MRTFB: variants seen among roughly 807,000 people sequenced by gnomAD.
MRTFB encodes the protein myocardin-related transcription factor B.
Under a neutral mutation model 104.2 loss-of-function variants are expected in MRTFB, and 29 were observed. The ratio of observed to expected loss-of-function variants is 0.28; its 90% CI spans 0.21 to 0.38. The LOEUF (loss-of-function observed/expected upper bound fraction) is 0.38. Among genes scored for constraint, MRTFB ranks in the 10% least tolerant of loss-of-function variants. The pLI is 1.00. For missense variants in MRTFB, 1,270 were observed against 1,341.6 expected, an observed-to-expected ratio of 0.95 and a Z score of 0.83; for synonymous variants, 535 against 519.5, an observed-to-expected ratio of 1.03 and a Z score of -0.41.
Position 14,206,722 on chromosome 16 carries a change from A to G in MRTFB, c.155-3521A>G, listed in dbSNP as rs145712762. On this transcript the variant is annotated intron_variant, in intron 3 of 16. Coordinates refer to ENST00000571589, the MANE Select transcript of MRTFB (RefSeq NM_001308142.2). The stretch of plus-strand genomic sequence containing the variant: ...TCGCCTGGCTAGTTTTTATATTTTC[A>G]GTGGAGACGGGTTTCACCATGTTGG... Among the ~76,000 whole-genome samples the G allele has an allele frequency of 1.1e-4, 16 of 152,132 alleles. No homozygotes were observed. The East Asian group carries it at 3.1e-3, about 29-fold the overall frequency.
At chr16:14,159,929 C>CAAA (rs552159164) in intron 3 of MRTFB, among the ~76,000 whole-genome samples, 1,551 of 55,284 alleles carry the variant, frequency 0.028, 157 homozygotes, top group African/African-American at 0.075. Flanking sequence ...GACTCCGTCT[C>CAAA]AAAAAAAAAA....
intron 2 of MRTFB, among the ~76,000 whole-genome samples, chr16:14,091,885 C>T (rs1371719671): frequency 6.6e-6 from 1 of 150,610 alleles, no homozygotes; most frequent in African/African-American, 2.4e-5. Context: ...ATCCCAGCTA[C>T]TCAGGGGGCT....
rs1487184689 is a variant in MRTFB, at chr16:14,177,490, TCTTAAA to T, written c.155-32748_155-32743del. Among the ~76,000 whole-genome samples, 9 of 152,164 alleles carry T rather than the reference TCTTAAA, an allele frequency of 5.9e-5. No homozygotes were observed. The highest frequency in any genetic ancestry group is 2.2e-4 in the African/African-American group (9 of 41,432). On this transcript the variant is annotated intron_variant, in intron 3 of 16. Transcript: ENST00000571589. The surrounding 1 kb of genome is among the most constrained non-coding windows in gnomAD (Gnocchi z 4.7). ...TGTTTTTTCACCTAGCAAAAGTGTG[TCTTAAA>T]CTTAGATGATTTAGTCTTAAGTATA...
rs73518924 is a variant in MRTFB, at chr16:14,236,392, G to A, written c.831+2109G>A. Among the ~76,000 whole-genome samples, 296 of 152,276 alleles carry A rather than the reference G, an allele frequency of 1.9e-3. 1 individual carries two copies. The highest frequency in any genetic ancestry group is 6.7e-3 in the African/African-American group (279 of 41,546). On this transcript the variant is annotated intron_variant, in intron 9 of 16. Coordinates refer to ENST00000571589, the MANE Select transcript of MRTFB (RefSeq NM_001308142.2). ...ATTTGTTGAACGGATACTTATTCAA[G>A]CACCTTCTATGTGCCAGGCACTGTT...
At chr16:14,216,463 A>G (rs1175882032) in intron 6 of MRTFB, among the ~76,000 whole-genome samples, 1 of 152,210 alleles carries the variant, frequency 6.6e-6, no homozygotes, top group Non-Finnish European at 1.5e-5. Flanking sequence ...GAATTATGGT[A>G]TTTATAGTTT....
chr16:14,131,043 C>A (rs2037413764), intron 2 of MRTFB, among the ~76,000 whole-genome samples: 1 of 152,060 alleles, frequency 6.6e-6, no homozygotes, highest in Non-Finnish European at 1.5e-5. Flanking sequence ...CACAGCCAAA[C>A]CATATCATGT....
At chr16:14,195,348 G>A (rs2040386222) in intron 3 of MRTFB, 1 of 196,754 alleles carries the variant, frequency 5.1e-6, no homozygotes, top group Admixed American at 6.5e-5. Context: ...TCACACAGTT[G>A]CTATGATATT....
chr16:14,155,568 A>C (rs1438448938), intron 3 of MRTFB, among the ~76,000 whole-genome samples: 2 of 152,174 alleles, frequency 1.3e-5, no homozygotes, highest in African/African-American at 4.8e-5. Flanking sequence ...AGTTAAAGAA[A>C]GTTGGGCTTT....
chr16:14,199,303 T>C (rs893812120), intron 3 of MRTFB, among the ~76,000 whole-genome samples: 1 of 152,246 alleles, frequency 6.6e-6, no homozygotes, highest in African/African-American at 2.4e-5. Flanking sequence ...CTTCTATTTG[T>C]TGGCTTTCTT....
intron 2 of MRTFB, among the ~76,000 whole-genome samples, chr16:14,096,820 C>G (rs1474147445): frequency 6.6e-6 from 1 of 152,164 alleles, no homozygotes; most frequent in Non-Finnish European, 1.5e-5. Flanking sequence ...GTCCCTGTTC[C>G]TAAGCTTTTT....
intron 2 of MRTFB, among the ~76,000 whole-genome samples, chr16:14,097,699 A>G (rs1228316162): frequency 2.0e-5 from 3 of 152,120 alleles, no homozygotes; most frequent in South Asian, 2.1e-4. Context: ...TCACCCCCCA[A>G]AATTTCTTTG....
chr16:14,206,841 C>T (rs538511294), intron 3 of MRTFB, among the ~76,000 whole-genome samples: 20 of 151,928 alleles, frequency 1.3e-4, no homozygotes, highest in African/African-American at 1.2e-4. Flanking sequence ...CCCAAAGTAG[C>T]AATGTACCTG....
chr16:14,212,924 G>T (rs1321008617), intron 5 of MRTFB, among the ~76,000 whole-genome samples: 1 of 152,062 alleles, frequency 6.6e-6, no homozygotes, highest in East Asian at 1.9e-4. Flanking sequence ...TAATTGTTAA[G>T]ATTTTTCTTT....
At chr16:14,240,205 T>C (rs934832600) in intron 9 of MRTFB, 32 bp from the exon 10 acceptor site, 4 of 1,557,896 alleles carry the variant, frequency 2.6e-6, no homozygotes, top group Non-Finnish European at 2.6e-6. Flanking sequence ...GTGACATCTC[T>C]TTAAATGTTA....
chr16:14,266,521 G>A lies in MRTFB; in HGVS notation c.*5077G>A, dbSNP rs1012338087. 1 of 152,032 alleles carries A rather than the reference G, an allele frequency of 6.6e-6. No homozygotes were observed. The highest frequency in any genetic ancestry group is 2.4e-5 in the African/African-American group (1 of 41,394). The allele number at this position is 152,032 out of a possible 1,614,324, so 9.4% of individuals were successfully genotyped here. On this transcript the variant is annotated 3_prime_UTR_variant, in exon 17 of 17. Coordinates refer to ENST00000571589, the MANE Select transcript of MRTFB (RefSeq NM_001308142.2). ...TCCATTCATCTATTGCCTTTATGTT[G>A]TTTTTTAAAAGAAAAACCATGATGC...
Position 14,140,583 on chromosome 16 carries a change from C to T in MRTFB, c.-24C>T, listed in dbSNP as rs781274331. On this transcript the variant is annotated 5_prime_UTR_variant, in exon 3 of 17. Transcript: ENST00000571589. ...CGTGTTTAAGAGGCGTCTTACACTCCCTGTTGCCAGTGGCTGGAACACAAT... is the reference window on the plus strand; with the variant it reads ...CGTGTTTAAGAGGCGTCTTACACTCTCTGTTGCCAGTGGCTGGAACACAAT... 27 of 1,613,588 alleles carry T rather than the reference C, an allele frequency of 1.7e-5. No homozygotes were observed. Among genetic ancestry groups the T allele is most frequent in the Non-Finnish European group, 2.3e-5 (27 of 1,179,810 alleles).
chr16:14,194,513 A>G (rs570262772), intron 3 of MRTFB, among the ~76,000 whole-genome samples: 1 of 152,290 alleles, frequency 6.6e-6, no homozygotes, highest in African/African-American at 2.4e-5. Context: ...TAGGAATTTG[A>G]GAGGGACACA....
chr16:14,087,041 C>T (rs1696202540), intron 2 of MRTFB, among the ~76,000 whole-genome samples: 1 of 152,018 alleles, frequency 6.6e-6, no homozygotes, highest in African/African-American at 2.4e-5. Context: ...GAATTTGTAG[C>T]AGTAGAATAT....
chr16:14,197,063 G>A (rs569001213), intron 3 of MRTFB, among the ~76,000 whole-genome samples: 4 of 141,432 alleles, frequency 2.8e-5, no homozygotes, highest in Admixed American at 8.1e-5. Context: ...TCTGCCTCCC[G>A]GGTTCAAGCG....
Sources: allele counts gnomAD v4.1 joint callset (sites outside exome capture counted in the v4.1 genomes callset), GRCh38; gene constraint gnomAD v4.1.1; non-coding constraint Gnocchi (gnomAD v3.1); transcripts MANE v1.5; gene names NCBI Gene and HGNC (gene_info 2026-07-23, HGNC 2026-07-21).